TMEM130: variants seen among roughly 807,000 people sequenced by gnomAD.
TMEM130 encodes transmembrane protein 130.
A neutral mutation model predicts 42.9 loss-of-function variants in TMEM130; 37 were observed. The ratio of observed to expected loss-of-function variants is 0.86; its 90% confidence interval spans 0.66 to 1.13. The LOEUF is 1.13. TMEM130 is among the 50% of genes most tolerant of loss of function. The pLI is 0.00. For synonymous variants in TMEM130, 259 were observed against 237.7 expected (o/e 1.09, Z -0.82); for missense variants, 545 against 562.6 (o/e 0.97, Z 0.32).
chr7:98,868,331 A>G (rs1199078717), intron 1 of TMEM130, among the ~76,000 whole-genome samples: 1 of 152,190 alleles, frequency 6.6e-6, no homozygotes, highest in Non-Finnish European at 1.5e-5. Flanking sequence ...GGGCCCCCCA[A>G]GTCACCCAGA....
chr7:98,862,959 C>T (rs1554400013), intron 2 of TMEM130, 136 bp downstream of exon 2: 13 of 961,796 alleles, frequency 1.4e-5, no homozygotes, highest in Middle Eastern at 3.4e-4. Context: ...TCGACTGACC[C>T]GGGGAAGGAA....
At chr7:98,848,761 GCAAGCACAA>G in intron 6 of TMEM130, 66 bp from the exon 7 acceptor site, 1 of 1,122,074 alleles carries the variant, frequency 8.9e-7, no homozygotes, top group Non-Finnish European at 1.4e-6. Context: ...TTCTCAGGAA[GCAAGCACAA>G]CAAAGGAGGG....
At chr7:98,851,836 T>C (rs1024266180) in intron 5 of TMEM130, among the ~76,000 whole-genome samples, 1 of 151,856 alleles carries the variant, frequency 6.6e-6, no homozygotes, top group Non-Finnish European at 1.5e-5. Context: ...TCCAAGTGAA[T>C]AAGGCCAACA....
At position 98,848,615 on chromosome 7, in the gene TMEM130, G is replaced by A. The variant is rs142570247; in HGVS notation, c.1087C>T (p.Arg363Trp). ...MLAFIMYMTL[R>W]NATQQKDMVE... ...ATGTCCTTTTGCTGAGTGGCATTCC[G>A]CAGGGTCATGTACATGATGAAGGCC... is the stretch of plus-strand genomic sequence containing the variant. The change falls in exon 7 of 8, where the codon CGG becomes TGG. Residue 363 changes from arginine to tryptophan, a missense_variant. Arg to Trp is a moderately radical substitution (Grantham distance 101). Transcript: ENST00000339375. The A allele has an allele frequency of 6.2e-5, 100 of 1,613,552 alleles. No individual in the cohort carries two copies. The highest frequency in any genetic ancestry group is 1.6e-4 in the Middle Eastern group (1 of 6,062).
At chr7:98,864,588 C>G (rs1680468189) in intron 1 of TMEM130, among the ~76,000 whole-genome samples, 1 of 151,928 alleles carries the variant, frequency 6.6e-6, no homozygotes, top group African/African-American at 2.4e-5. Flanking sequence ...ACTCCTCTCT[C>G]TCTGTCAGGG....
At chr7:98,854,904 A>C (rs1448107213) in intron 5 of TMEM130, among the ~76,000 whole-genome samples, 3 of 151,936 alleles carry the variant, frequency 2.0e-5, no homozygotes, top group African/African-American at 4.8e-5. Flanking sequence ...GGCATCGTGG[A>C]GTGCACCTGT....
chr7:98,848,044 G>C lies in TMEM130; in HGVS notation c.*12C>G, dbSNP rs1794398750. On this transcript the variant is annotated 3_prime_UTR_variant, in exon 8 of 8. Coordinates refer to ENST00000339375, the MANE Select transcript of TMEM130 (RefSeq NM_152913.3). ...TCAGTTAACACTGAGATGGGGTGGG[G>C]AGGGGGAGTGCTCACACGGTGTAAG... The C allele has an allele frequency of 3.1e-6, 5 of 1,609,740 alleles. No individual in the cohort carries two copies. The highest frequency in any genetic ancestry group is 1.7e-4 in the Middle Eastern group (1 of 5,880).
intron 3 of TMEM130, among the ~76,000 whole-genome samples, chr7:98,858,653 C>G (rs1794687488): frequency 6.6e-6 from 1 of 152,030 alleles, no homozygotes; most frequent in Non-Finnish European, 1.5e-5. Flanking sequence ...GAGGTCGAGA[C>G]CAGCCTGGGC....
chr7:98,869,978 G>A lies in TMEM130; in HGVS notation c.-117C>T. ...AGCGCGGGCGGTGCGGGGAGGTGCG[G>A]GCGCCGTGCTCGCTCGTCCTCGCCG... On this transcript the variant is annotated 5_prime_UTR_variant, in exon 1 of 8. Coordinates refer to ENST00000339375, the MANE Select transcript of TMEM130 (RefSeq NM_152913.3). The surrounding 1 kb of genome is among the most constrained non-coding windows in gnomAD (Gnocchi z 4.7). 1.6e-6 allele frequency: 1 copy of A among 640,810 alleles called. No homozygotes were observed. Among genetic ancestry groups the A allele is most frequent in the Non-Finnish European group, 2.2e-6 (1 of 452,132 alleles). 39.7% of individuals were successfully genotyped at this position (640,810 alleles called of 1,614,324 possible).
rs1794422923 is a variant in TMEM130 at position 98,848,693 on chromosome 7, T to C, written c.1009A>G (p.Ile337Val). 8 of 1,607,842 alleles carry C rather than the reference T, an allele frequency of 5.0e-6. No individual in the cohort carries two copies. Among genetic ancestry groups the C allele is most frequent in the Non-Finnish European group, 6.8e-6 (8 of 1,174,244 alleles). ...GGGAAAGCAAAGACAGCCGGCTGGA[T>C]TCCTGGGAATGAAAGAAGTAACATT... ...YHKIQVWPSR[I>V]QPAVFAFPCA... The change falls in exon 7 of 8, where the codon ATC becomes GTC. Residue 337 changes from isoleucine (I) to valine (V), a missense_variant and splice_region_variant. Ile to Val is a conservative substitution (Grantham distance 29). Transcript: ENST00000339375.
chr7:98,867,800 C>A lies in TMEM130; in HGVS notation c.85+1977G>T, dbSNP rs140217817. On this transcript the variant is annotated intron_variant, in intron 1 of 7. Transcript: ENST00000339375. ...TTTTTCAAAATCAGGTGTGTCACAG[C>A]CCCTGGGTGATGCTGCCCCTGTTCC... is the stretch of plus-strand genomic sequence containing the variant. 3.9e-4 allele frequency among the ~76,000 whole-genome samples: 60 copies of A among 152,314 alleles called. 1 individual carries two copies. The East Asian group carries it at 9.6e-3, about 24-fold the overall frequency.
intron 3 of TMEM130, among the ~76,000 whole-genome samples, chr7:98,856,441 C>T (rs1433557028): frequency 6.6e-6 from 1 of 152,192 alleles, no homozygotes; most frequent in African/African-American, 2.4e-5. Context: ...TCACATTAGC[C>T]AAAGTTCAAG....
intron 1 of TMEM130, 70 bp from the exon 2 acceptor site, chr7:98,863,470 G>A (rs1794835552): frequency 7.1e-7 from 1 of 1,411,058 alleles, no homozygotes; most frequent in Admixed American, 2.5e-5. Context: ...CCACCTCTGG[G>A]CTGGCATCAA....
chr7:98,869,359 C>T lies in TMEM130; in HGVS notation c.85+418G>A, dbSNP rs1794976382. 8.3e-7 allele frequency: 1 copy of T among 1,207,338 alleles called. No homozygotes were observed. 74.8% of individuals were successfully genotyped at this position (1,207,338 alleles called of 1,614,324 possible). A position where few individuals can be genotyped will look rare whatever the true frequency, so the allele number is the denominator to read the frequency against. On this transcript the variant is annotated intron_variant, in intron 1 of 7. Coordinates refer to ENST00000339375, the MANE Select transcript of TMEM130 (RefSeq NM_152913.3). The surrounding 1 kb of genome is among the most constrained non-coding windows in gnomAD (Gnocchi z 4.7). ...ATGAGGCGACATTTTAAGGCAAAAA[C>T]GTTGCCCATCCCGTGCTCCCTGGGG... is the stretch of plus-strand genomic sequence containing the variant.
chr7:98,860,337 C>A lies in TMEM130; in HGVS notation c.393G>T (p.Glu131Asp), dbSNP rs781914143. 3.8e-6 allele frequency: 6 copies of A among 1,587,082 alleles called. No homozygotes were observed. Among genetic ancestry groups the A allele is most frequent in the Non-Finnish European group, 5.2e-6 (6 of 1,164,324 alleles). The part of the protein sequence containing the change: ...ARGFVVLPIT[E>D]FLVGDLVVTQ... ...TGACAACAAGGTCCCCCACGAGGAACTCTGGGAGAGAGAGAGACACGGGAG... is the reference window on the plus strand; with the variant it reads ...TGACAACAAGGTCCCCCACGAGGAAATCTGGGAGAGAGAGAGACACGGGAG... The change falls in exon 3 of 8, where the codon GAG (glutamate) becomes GAT (aspartate). Residue 131 changes from glutamate to aspartate, a missense_variant and splice_region_variant. Transcript: ENST00000339375.
chr7:98,850,666 A>T (rs1794479207), intron 6 of TMEM130, among the ~76,000 whole-genome samples: 1 of 152,034 alleles, frequency 6.6e-6, no homozygotes, highest in South Asian at 2.1e-4. Flanking sequence ...CACCCGCCTC[A>T]GCCTCCCAGA....
At position 98,863,357 on chromosome 7, in the gene TMEM130, C is replaced by T. The variant is rs145412667; in HGVS notation, c.129G>A (p.Thr43=). The change falls in exon 2 of 8, where the codon ACG becomes ACA. Residue 43 remains threonine, a synonymous_variant. Transcript: ENST00000339375. ...TGGCCGAGATGGTCACCACCGCTCC[C>T]GTGGTGGCAGGGCTATCGGTGGTGA... ...LNLTTDSPAT[T]GAVVTISASL... is the part of the protein sequence containing the mutation. 3.0e-5 allele frequency: 48 copies of T among 1,606,296 alleles called. No individual in the cohort carries two copies. The East Asian group carries it at 5.1e-4, about 17-fold the overall frequency.
At chr7:98,854,181 G>A (rs1171116403) in intron 5 of TMEM130, among the ~76,000 whole-genome samples, 2 of 151,962 alleles carry the variant, frequency 1.3e-5, no homozygotes, top group Non-Finnish European at 2.9e-5. Context: ...CGAATTACAG[G>A]CATGAGTCAC....
At chr7:98,867,919 G>C (rs1794945308) in intron 1 of TMEM130, among the ~76,000 whole-genome samples, 1 of 152,170 alleles carries the variant, frequency 6.6e-6, no homozygotes, top group Non-Finnish European at 1.5e-5. Context: ...ACAGGGCCTG[G>C]TGCTCTACCC....
Sources: allele counts gnomAD v4.1 joint callset (sites outside exome capture counted in the v4.1 genomes callset), GRCh38; gene constraint gnomAD v4.1.1; non-coding constraint Gnocchi (gnomAD v3.1); transcripts MANE v1.5; gene names NCBI Gene and HGNC (gene_info 2026-07-23, HGNC 2026-07-21).